The following LPIN2 variants were observed in gnomAD, a reference collection of about 807,000 sequenced individuals.
LPIN2 encodes lipin 2.
In LPIN2, 55 loss-of-function variants were observed where a neutral mutation model predicts 111.4. That is an observed-to-expected ratio of 0.49 (90% CI 0.40 to 0.62). LPIN2 has a LOEUF of 0.62. Among genes scored for constraint, LPIN2 ranks in the 20% least tolerant of loss-of-function variants. The pLI, the probability that LPIN2 is intolerant of heterozygous loss-of-function variation, is 0.00. For synonymous variants in LPIN2, 425 were observed against 414.0 expected, an observed-to-expected ratio of 1.03 and a Z score of -0.32; for missense variants, 992 against 1,112.1, an observed-to-expected ratio of 0.89 and a Z score of 1.54.
chr18:2,972,503 CT>C (rs1382537986), intron 1 of LPIN2: 5 of 152,210 alleles, frequency 3.3e-5, no homozygotes, highest in African/African-American at 9.7e-5. Context: ...AGAGCACAGC[CT>C]TTAAGGAAAA....
chr18:2,998,961 T>C (rs1260018394), intron 1 of LPIN2, among the ~76,000 whole-genome samples: 1 of 152,218 alleles, frequency 6.6e-6, no homozygotes, highest in Non-Finnish European at 1.5e-5. Context: ...ATTTTGGCAG[T>C]CACAAGTCTG....
intron 2 of LPIN2, 70 bp from the exon 3 acceptor site, chr18:2,954,669 C>CT (rs1243487644): frequency 9.3e-6 from 10 of 1,080,528 alleles, no homozygotes; most frequent in Non-Finnish European, 1.4e-5. Flanking sequence ...AACCAGAACT[C>CT]TGAGTTCTCA....
intron 1 of LPIN2, among the ~76,000 whole-genome samples, chr18:2,992,403 T>G (rs1477559194): frequency 6.6e-6 from 1 of 152,112 alleles, no homozygotes; most frequent in Non-Finnish European, 1.5e-5. Flanking sequence ...GGTTACCAGG[T>G]GGAGGAAATG....
intron 1 of LPIN2, among the ~76,000 whole-genome samples, chr18:3,002,008 T>C (rs1436684393): frequency 6.6e-6 from 1 of 152,158 alleles, no homozygotes; most frequent in Non-Finnish European, 1.5e-5. Flanking sequence ...CCATCTGACC[T>C]GTAGGTATGT....
intron 9 of LPIN2, among the ~76,000 whole-genome samples, chr18:2,930,651 TA>T (rs996573780): frequency 4.2e-4 from 63 of 151,366 alleles, no homozygotes; most frequent in African/African-American, 1.1e-3. Flanking sequence ...AAAGGAAGGT[TA>T]AAAAAAAATG....
At chr18:2,980,044 G>A (rs976661321) in intron 1 of LPIN2, among the ~76,000 whole-genome samples, 13 of 152,220 alleles carry the variant, frequency 8.5e-5, no homozygotes, top group African/African-American at 3.1e-4. Context: ...ACTTAGGGGA[G>A]TTAGGAGGGA....
In LPIN2 at chr18:2,920,234, C is replaced by A. The variant is rs1160851925; in HGVS notation, c.*59G>T. On this transcript the variant is annotated 3_prime_UTR_variant, in exon 20 of 20. Transcript: ENST00000677752. Reference sequence around the variant, plus strand: ...TATCTGAGGTCAGCAGAAGAGCCAGCTGCCTTCCCTTGCTGTGGGGAGGGG... The same window carrying A: ...TATCTGAGGTCAGCAGAAGAGCCAGATGCCTTCCCTTGCTGTGGGGAGGGG... The A allele has an allele frequency of 1.9e-6, 3 of 1,608,958 alleles. No individual in the cohort carries two copies. Among genetic ancestry groups the A allele is most frequent in the Admixed American group, 1.7e-5 (1 of 59,998 alleles).
At chr18:2,979,664 G>T (rs1425298484) in intron 1 of LPIN2, among the ~76,000 whole-genome samples, 1 of 152,012 alleles carries the variant, frequency 6.6e-6, no homozygotes, top group Non-Finnish European at 1.5e-5. Context: ...AACAGATGGG[G>T]GCACAAATAT....
chr18:2,927,769 A>C lies in LPIN2; in HGVS notation c.1663T>G (p.Ser555Ala), dbSNP rs1295179123. Reference sequence around the variant, plus strand: ...TTTCGCCAAAACCACCAGCGACCAGATTTCTTTGGCATCTTGTCTTTCACC... The same window carrying C: ...TTTCGCCAAAACCACCAGCGACCAGCTTTCTTTGGCATCTTGTCTTTCACC... ...SWVKDKMPKK[S>A]GRWWFWRKRE... is the part of the protein sequence containing the mutation. The change falls in exon 12 of 20, where the codon TCT becomes GCT. Residue 555 changes from serine (S) to alanine (A), a missense_variant. Coordinates refer to ENST00000677752, the MANE Select transcript of LPIN2 (RefSeq NM_001375808.2). The C allele has an allele frequency of 3.7e-6, 6 of 1,613,982 alleles. No individual in the cohort carries two copies. Among genetic ancestry groups the C allele is most frequent in the Non-Finnish European group, 5.1e-6 (6 of 1,180,014 alleles).
chr18:2,950,910 T>G, intron 4 of LPIN2, 145 bp downstream of exon 4: 1 of 822,606 alleles, frequency 1.2e-6, no homozygotes, highest in South Asian at 1.4e-5. Context: ...AGAAACTGCC[T>G]TTGCTGCTTG....
intron 1 of LPIN2, 143 bp from the exon 2 acceptor site, chr18:2,960,992 G>C: frequency 2.7e-6 from 2 of 749,618 alleles, no homozygotes; most frequent in East Asian, 5.4e-5. Context: ...CAACCTAACA[G>C]TCTCATGCTA....
Position 2,972,584 on chromosome 18 carries a change from AG to A in LPIN2, c.-9-11736del, listed in dbSNP as rs1334221097. 2.0e-5 allele frequency among the ~76,000 whole-genome samples: 3 copies of A among 152,242 alleles called. No homozygotes were observed. In the East Asian group the frequency reaches 5.8e-4, roughly 29 times the overall value. ...CAGAACATTAATTTTCTTCAGAAAT[AG>A]AACCTGGTACAGAGCAAGAAAAACT... On this transcript the variant is annotated intron_variant, in intron 1 of 19. Coordinates refer to ENST00000677752, the MANE Select transcript of LPIN2 (RefSeq NM_001375808.2).
At chr18:2,938,957 C>T (rs562256662) in intron 6 of LPIN2, among the ~76,000 whole-genome samples, 1 of 152,168 alleles carries the variant, frequency 6.6e-6, no homozygotes, top group African/African-American at 2.4e-5. Context: ...AGTTTGCGAT[C>T]AGGCCAAGCT....
chr18:2,926,735 G>T lies in LPIN2; in HGVS notation c.1781C>A (p.Pro594Gln). 1 of 1,613,064 alleles carries T rather than the reference G, an allele frequency of 6.2e-7. No homozygotes were observed. Residue 594 changes from proline (P) to glutamine (Q), a missense_variant, in exon 13 of 20, where the codon CCG becomes CAG. By Grantham distance (76) the Pro-to-Gln change is moderately conservative (BLOSUM62 -1). Coordinates refer to ENST00000677752, the MANE Select transcript of LPIN2 (RefSeq NM_001375808.2). ...ACAGGGCACCCACCTGGCACCGGCC[G>T]GCTCCTTGGAGCTGGATGGCAGGTC... ...ASDLPSSSKEPAGARPAENDS... is the reference protein window; with the variant it reads ...ASDLPSSSKEQAGARPAENDS...
At position 2,951,041 on chromosome 18, in the gene LPIN2, G is replaced by A; in HGVS notation, c.590+14C>T. 1.2e-6 allele frequency: 2 copies of A among 1,613,804 alleles called. No individual in the cohort carries two copies. Among genetic ancestry groups the A allele is most frequent in the East Asian group, 2.2e-5 (1 of 44,878 alleles). ...GGTACCCGCACAAGACCCTTCCCAG[G>A]CTGAGAGTCCTACCGTGCTGCCTGG... On this transcript the variant is annotated intron_variant, in intron 4 of 19. Coordinates refer to ENST00000677752, the MANE Select transcript of LPIN2 (RefSeq NM_001375808.2).
In LPIN2 at chr18:2,996,495, T is replaced by TTTTTTG. The variant is rs1383642994; in HGVS notation, c.-10+16591_-10+16592insCAAAAA. ...TTTTTTTTTTTTTTTTTTTTTTTTT[T>TTTTTTG]GAGACAGAGTCTCTCTCTGTCACCC... On this transcript the variant is annotated intron_variant, in intron 1 of 19. Transcript: ENST00000677752. Among the ~76,000 whole-genome samples, 43 of 104,244 alleles carry TTTTTTG rather than the reference T, an allele frequency of 4.1e-4. 4 individuals carry two copies. The highest frequency in any genetic ancestry group is 1.5e-3 in the African/African-American group (40 of 26,546). The allele number at this position is 104,244 out of a possible 152,430, so 68.4% of individuals were successfully genotyped here.
At chr18:2,924,305 G>A (rs754173484) in intron 15 of LPIN2, 93 bp downstream of exon 15, 41 of 1,524,724 alleles carry the variant, frequency 2.7e-5, no homozygotes, top group Middle Eastern at 1.7e-4. Flanking sequence ...TGAGGGCTTC[G>A]AGCCCCAGGT....
At position 2,922,209 on chromosome 18, in the gene LPIN2, A is replaced by T; in HGVS notation, c.2175-10T>A. On this transcript the variant is annotated splice_polypyrimidine_tract_variant and intron_variant, in intron 16 of 19. Transcript: ENST00000677752. ...AAACTTGTAGCCATTCCTGAAAGAA[A>T]ACACACCCTGTTAGCCCACATGTTC... 1 of 1,614,034 alleles carries T rather than the reference A, an allele frequency of 6.2e-7. No individual in the cohort carries two copies. Among genetic ancestry groups the T allele is most frequent in the Non-Finnish European group, 8.5e-7 (1 of 1,179,952 alleles).
chr18:2,939,004 C>A (rs907801211), intron 6 of LPIN2, among the ~76,000 whole-genome samples: 1 of 152,026 alleles, frequency 6.6e-6, no homozygotes, highest in Non-Finnish European at 1.5e-5. Flanking sequence ...AAAATAAAAA[C>A]TAAAAAATTA....
Sources: gnomAD v4.1 joint callset for allele counts (sites outside exome capture counted in the v4.1 genomes callset) on GRCh38, gnomAD v4.1.1 for gene constraint, MANE v1.5 for transcripts, NCBI Gene and HGNC (gene_info 2026-07-23, HGNC 2026-07-21) for gene names.